AKAP19: variants seen among roughly 807,000 people sequenced by gnomAD.
AKAP19 encodes the protein A-kinase anchoring protein 19.
chr2:190,193,884 C>T, the AKAP19 span, among the ~76,000 whole-genome samples: 30 of 152,134 alleles, frequency 2.0e-4, no homozygotes, highest in African/African-American at 7.0e-4. Context: ...GCTTATATCA[C>T]TGATTTAAAC....
the AKAP19 span, among the ~76,000 whole-genome samples, chr2:190,073,956 C>G: frequency 1.3e-5 from 2 of 151,406 alleles, no homozygotes; most frequent in Non-Finnish European, 2.9e-5. Context: ...GAGGCTGAAT[C>G]GCTTGAACCT....
the AKAP19 span, among the ~76,000 whole-genome samples, chr2:190,104,186 T>A: frequency 1.3e-5 from 2 of 152,066 alleles, no homozygotes; most frequent in Non-Finnish European, 2.9e-5. Context: ...AAAAATTAAC[T>A]CAAGATAGAG....
the AKAP19 span, among the ~76,000 whole-genome samples, chr2:189,969,409 G>T: frequency 6.6e-6 from 1 of 152,094 alleles, no homozygotes; most frequent in Non-Finnish European, 1.5e-5. Flanking sequence ...GAACTATCTG[G>T]TTTATGTTAT....
chr2:190,144,195 T>A, the AKAP19 span, among the ~76,000 whole-genome samples: 1,170 of 122,820 alleles, frequency 9.5e-3, 6 homozygotes, highest in Middle Eastern at 0.034. Flanking sequence ...AGAAAAAAAA[T>A]ATTAATAAAA....
At chr2:190,060,719 G>C in the AKAP19 span, among the ~76,000 whole-genome samples, 1 of 151,948 alleles carries the variant, frequency 6.6e-6, no homozygotes, top group Non-Finnish European at 1.5e-5. Flanking sequence ...AGTAATGAAC[G>C]CTGAATGAAA....
At chr2:189,893,243 G>A in the AKAP19 span, among the ~76,000 whole-genome samples, 1 of 152,164 alleles carries the variant, frequency 6.6e-6, no homozygotes, top group Non-Finnish European at 1.5e-5. Context: ...TGTCTCATTG[G>A]TGTTCCAGAC....
the AKAP19 span, among the ~76,000 whole-genome samples, chr2:190,147,759 G>GTTT: frequency 6.6e-6 from 1 of 150,660 alleles, no homozygotes; most frequent in Non-Finnish European, 1.5e-5. Context: ...TGTTGTTGTT[G>GTTT]TTGTTGGAGC....
chr2:190,026,091 T>C, the AKAP19 span, among the ~76,000 whole-genome samples: 4 of 152,208 alleles, frequency 2.6e-5, no homozygotes, highest in Non-Finnish European at 4.4e-5. Flanking sequence ...TCATTAAACA[T>C]GACTACTTCA....
At chr2:189,998,803 TACTC>T in the AKAP19 span, among the ~76,000 whole-genome samples, 3 of 145,246 alleles carry the variant, frequency 2.1e-5, no homozygotes, top group East Asian at 2.1e-4. Flanking sequence ...TATGGAGTCT[TACTC>T]TTTCACCCAG....
At chr2:190,069,536 A>G in the AKAP19 span, among the ~76,000 whole-genome samples, 1 of 152,044 alleles carries the variant, frequency 6.6e-6, no homozygotes, top group Non-Finnish European at 1.5e-5. Flanking sequence ...TCTTTACTCC[A>G]TTGGTGGTTT....
chr2:189,972,935 C>T, the AKAP19 span, among the ~76,000 whole-genome samples: 39 of 152,152 alleles, frequency 2.6e-4, no homozygotes, highest in African/African-American at 8.7e-4. Context: ...CAAACAGGGA[C>T]AATTTGACTT....
chr2:189,944,930 T>TA, the AKAP19 span, among the ~76,000 whole-genome samples: 3 of 151,880 alleles, frequency 2.0e-5, no homozygotes, highest in African/African-American at 4.8e-5. Flanking sequence ...TAGAAATCAG[T>TA]AAAAAAATGA....
the AKAP19 span, among the ~76,000 whole-genome samples, chr2:189,973,246 GT>G: frequency 2.6e-5 from 4 of 151,960 alleles, no homozygotes; most frequent in Non-Finnish European, 5.9e-5. Flanking sequence ...ATAATCATGT[GT>G]TTTTTTGTCT....
chr2:190,174,511 T>A, the AKAP19 span, among the ~76,000 whole-genome samples: 1 of 152,230 alleles, frequency 6.6e-6, no homozygotes, highest in South Asian at 2.1e-4. Flanking sequence ...ATATTTAATT[T>A]AAAAATCATG....
the AKAP19 span, among the ~76,000 whole-genome samples, chr2:189,986,538 G>A: frequency 1.3e-5 from 2 of 152,058 alleles, no homozygotes; most frequent in African/African-American, 4.8e-5. Flanking sequence ...AAATATAGGG[G>A]CATTTGGCTT....
chr2:189,893,083 C>G, the AKAP19 span, among the ~76,000 whole-genome samples: 2 of 152,190 alleles, frequency 1.3e-5, no homozygotes, highest in African/African-American at 4.8e-5. Flanking sequence ...CGCCCCTCCC[C>G]CTACTGAGTT....
chr2:190,014,045 T>C, the AKAP19 span, among the ~76,000 whole-genome samples: 2 of 152,250 alleles, frequency 1.3e-5, no homozygotes, highest in Non-Finnish European at 2.9e-5. Flanking sequence ...TCTTTTTTTA[T>C]ATAGGCACTT....
the AKAP19 span, among the ~76,000 whole-genome samples, chr2:189,896,125 G>A: frequency 6.6e-6 from 1 of 151,872 alleles, no homozygotes; most frequent in South Asian, 2.1e-4. Flanking sequence ...ACTTGAAGAA[G>A]AATTTGACTT....
the AKAP19 span, among the ~76,000 whole-genome samples, chr2:190,110,026 G>A: frequency 1.3e-5 from 2 of 152,204 alleles, no homozygotes; most frequent in South Asian, 2.1e-4. Context: ...GGGGTAGGGT[G>A]AGAGAGTTTG....
Sources: gnomAD v4.1 joint callset for allele counts (sites outside exome capture counted in the v4.1 genomes callset) on GRCh38, gnomAD v4.1.1 for gene constraint, MANE v1.5 for transcripts, NCBI Gene and HGNC (gene_info 2026-07-23, HGNC 2026-07-21) for gene names.